Variants in ABCC4 observed in about 807,000 individuals in gnomAD.
ABCC4 encodes ATP-binding cassette sub-family C member 4.
A neutral mutation model predicts 168.5 loss-of-function variants in ABCC4; 102 were observed. The ratio of observed to expected loss-of-function variants is 0.61; its 90% confidence interval spans 0.52 to 0.71. The LOEUF is 0.71. Ranked by LOEUF, ABCC4 falls within the 30% of genes least tolerant of loss-of-function variation. ABCC4 has a pLI of 0.00. For synonymous variants in ABCC4, 617 were observed against 590.7 expected, an observed-to-expected ratio of 1.04 and a Z score of -0.65; for missense variants, 1,402 against 1,605.8, an observed-to-expected ratio of 0.87 and a Z score of 2.17.
At chr13:95,281,323 AAGAG>A (rs1237364676) in intron 1 of ABCC4, among the ~76,000 whole-genome samples, 4 of 134,946 alleles carry the variant, frequency 3.0e-5, no homozygotes, top group Admixed American at 1.6e-4. Flanking sequence ...AAAAAAAAAA[AAGAG>A]AGAGAGAAAG....
intron 25 of ABCC4, among the ~76,000 whole-genome samples, chr13:95,070,667 A>G (rs1187410968): frequency 7.2e-5 from 11 of 152,090 alleles, no homozygotes; most frequent in African/African-American, 2.7e-4. Context: ...CTGAGCACTG[A>G]TGGGGTCATG....
intron 1 of ABCC4, among the ~76,000 whole-genome samples, chr13:95,254,565 C>G (rs2040348538): frequency 6.6e-6 from 1 of 152,236 alleles, no homozygotes; most frequent in South Asian, 2.1e-4. Flanking sequence ...TATCAGCCGT[C>G]ACATCTTTCC....
rs142618802 is a variant in ABCC4 at position 95,147,954 on chromosome 13, A to G, written c.2455+13235T>C. On this transcript the variant is annotated intron_variant, in intron 19 of 30. Coordinates refer to ENST00000645237, the MANE Select transcript of ABCC4 (RefSeq NM_005845.5). ...AGCCCCATTGAAAACACAACCAAAA[A>G]GAAAACATGCAAACAAACAAAAAAA... Among the ~76,000 whole-genome samples, 316 of 152,320 alleles carry G rather than the reference A, an allele frequency of 2.1e-3. 3 individuals are homozygous for G. The highest frequency in any genetic ancestry group is 7.3e-3 in the African/African-American group (304 of 41,586).
intron 4 of ABCC4, among the ~76,000 whole-genome samples, chr13:95,227,708 T>G (rs1191423735): frequency 6.6e-6 from 1 of 152,154 alleles, no homozygotes; most frequent in Non-Finnish European, 1.5e-5. Context: ...GAGTTGAATA[T>G]ATGTAATTTC....
intron 30 of ABCC4, among the ~76,000 whole-genome samples, chr13:95,034,093 A>G (rs1289420536): frequency 2.0e-5 from 3 of 152,248 alleles, no homozygotes; most frequent in African/African-American, 7.2e-5. Context: ...ACAAATAATA[A>G]AACAGAAACC....
intron 1 of ABCC4, among the ~76,000 whole-genome samples, chr13:95,270,085 C>T (rs962677987): frequency 6.6e-6 from 1 of 151,978 alleles, no homozygotes; most frequent in Non-Finnish European, 1.5e-5. Context: ...GGGAGGAAGA[C>T]GACCAGAAAA....
chr13:95,210,644 AG>A, intron 5 of ABCC4, 47 bp downstream of exon 5: 1 of 1,442,980 alleles, frequency 6.9e-7, no homozygotes. Flanking sequence ...AAAAGGGGAA[AG>A]AGGGGTGTTT....
chr13:95,096,821 A>G (rs1348278216), intron 20 of ABCC4, among the ~76,000 whole-genome samples: 1 of 152,226 alleles, frequency 6.6e-6, no homozygotes, highest in African/African-American at 2.4e-5. Flanking sequence ...GGCTTAAGGA[A>G]AATGATACCA....
intron 27 of ABCC4, among the ~76,000 whole-genome samples, chr13:95,050,080 G>C (rs935847357): frequency 6.6e-6 from 1 of 152,214 alleles, no homozygotes; most frequent in Non-Finnish European, 1.5e-5. Flanking sequence ...AGACAGCAGA[G>C]AGACAGAATG....
intron 19 of ABCC4, among the ~76,000 whole-genome samples, chr13:95,152,635 C>T (rs772546235): frequency 1.3e-5 from 2 of 152,092 alleles, no homozygotes; most frequent in Admixed American, 6.5e-5. Flanking sequence ...ATGTTTTAAA[C>T]TTCATGGAAA....
intron 19 of ABCC4, among the ~76,000 whole-genome samples, chr13:95,135,680 C>T (rs945206475): frequency 7.2e-5 from 11 of 152,120 alleles, no homozygotes; most frequent in Non-Finnish European, 1.6e-4. Flanking sequence ...TCCAGAAGTG[C>T]TGGGATTATA....
intron 1 of ABCC4, among the ~76,000 whole-genome samples, chr13:95,279,801 G>A (rs79828993): frequency 2.0e-5 from 3 of 152,262 alleles, no homozygotes; most frequent in Admixed American, 2.0e-4. Flanking sequence ...AGGGGATGGG[G>A]AAGTGGGGTT....
At position 95,208,604 on chromosome 13, in the gene ABCC4, ATTTCTTTTTT is replaced by A. The variant is rs1482131875; in HGVS notation, c.786-689_786-680del. Among the ~76,000 whole-genome samples, 3 of 89,548 alleles carry A rather than the reference ATTTCTTTTTT, an allele frequency of 3.4e-5. No individual in the cohort carries two copies. The East Asian group carries it at 1.2e-3, about 35-fold the overall frequency. 58.7% of individuals were successfully genotyped at this position (89,548 alleles called of 152,430 possible). A position where few individuals can be genotyped will look rare whatever the true frequency, so the allele number is the denominator to read the frequency against. On this transcript the variant is annotated intron_variant, in intron 6 of 30. Transcript: ENST00000645237. ...CATTAATCTCTTGATCAAAAGCTGT[ATTTCTTTTTT>A]TTTTTTTTTTTTTTTTTTTTTTTTG...
At chr13:95,227,801 C>T (rs922705912) in intron 4 of ABCC4, among the ~76,000 whole-genome samples, 1 of 152,172 alleles carries the variant, frequency 6.6e-6, no homozygotes, top group Non-Finnish European at 1.5e-5. Flanking sequence ...CCTCCACCTC[C>T]TGGGTTCAAG....
At chr13:95,120,453 G>A (rs1044543522) in intron 19 of ABCC4, among the ~76,000 whole-genome samples, 2 of 151,212 alleles carry the variant, frequency 1.3e-5, no homozygotes, top group Admixed American at 6.6e-5. Context: ...TTTAATCCCA[G>A]GTACATGGGA....
At chr13:95,255,486 T>C (rs1049968674) in intron 1 of ABCC4, among the ~76,000 whole-genome samples, 5 of 152,248 alleles carry the variant, frequency 3.3e-5, no homozygotes, top group Admixed American at 6.5e-5. Flanking sequence ...CTGGAATGGA[T>C]CTCGCGTGAG....
At chr13:95,254,841 TAGGCTCCACAAGGATG>T (rs1299789348) in intron 1 of ABCC4, among the ~76,000 whole-genome samples, 1 of 152,212 alleles carries the variant, frequency 6.6e-6, no homozygotes, top group Non-Finnish European at 1.5e-5. Flanking sequence ...TGGAGGCATC[TAGGCTCCACAAGGATG>T]GGGTTTTTCT....
chr13:95,206,255 A>C (rs1359648869), intron 8 of ABCC4, among the ~76,000 whole-genome samples: 1 of 152,354 alleles, frequency 6.6e-6, no homozygotes, highest in East Asian at 1.9e-4. Context: ...TAGACAGCTT[A>C]GACATTTTAA....
At position 95,069,873 on chromosome 13, in the gene ABCC4, C is replaced by T. The variant is rs114981013; in HGVS notation, c.3210+1789G>A. 2.8e-3 allele frequency among the ~76,000 whole-genome samples: 433 copies of T among 152,302 alleles called. 4 individuals carry two copies. The highest frequency in any genetic ancestry group is 1.0e-2 in the African/African-American group (414 of 41,548). On this transcript the variant is annotated intron_variant, in intron 25 of 30. Coordinates refer to ENST00000645237, the MANE Select transcript of ABCC4 (RefSeq NM_005845.5). ...GTTTTTCCATTCCTCAGTCAATGGA[C>T]ACTTGGGCTGCTTCCACCTACTGCT...
Sources: gnomAD v4.1 joint callset for allele counts (sites outside exome capture counted in the v4.1 genomes callset) on GRCh38, gnomAD v4.1.1 for gene constraint, MANE v1.5 for transcripts, NCBI Gene and HGNC (gene_info 2026-07-23, HGNC 2026-07-21) for gene names.